Variants in MYOM1 observed in about 807,000 individuals in gnomAD.
MYOM1 encodes myomesin-1.
In MYOM1, 164 loss-of-function variants were observed where a neutral mutation model predicts 205.3. The ratio of observed to expected loss-of-function variants is 0.80; its 90% CI spans 0.70 to 0.91. MYOM1 has a LOEUF of 0.91. Among genes scored for constraint, MYOM1 ranks in the 40% least tolerant of loss-of-function variants. The pLI, the probability that MYOM1 is intolerant of heterozygous loss-of-function variation, is 0.00. For synonymous variants in MYOM1, 772 were observed against 789.4 expected, an observed-to-expected ratio of 0.98 and a Z score of 0.37; for missense variants, 2,011 against 2,127.3, an observed-to-expected ratio of 0.95 and a Z score of 1.08.
Position 3,188,815 on chromosome 18 carries a change from G to T in MYOM1, c.704C>A (p.Thr235Asn), listed in dbSNP as rs1209948211. Residue 235 changes from threonine to asparagine, a missense_variant, in exon 4 of 38, where the codon ACT becomes AAT. Thr to Asn is a moderately conservative substitution (Grantham distance 65, BLOSUM62 0). Coordinates refer to ENST00000356443, the MANE Select transcript of MYOM1 (RefSeq NM_003803.4). ...AACTTTCCTTGACTTCTTTTCAGAA[G>T]TTTCTTCCTGTTGAAGAGCGGATGT... ...QATSALQQEE[T>N]SEKKSRKVVI... 1.9e-6 allele frequency: 3 copies of T among 1,610,104 alleles called. No individual in the cohort carries two copies. The African/African-American group carries it at 4.0e-5, about 22-fold the overall frequency.
At position 3,131,408 on chromosome 18, in the gene MYOM1, C is replaced by T. The variant is rs760699239; in HGVS notation, c.2473G>A (p.Asp825Asn). ...NAAGLSEYSQ[D>N]SEAIEVKAAI... ...GCTTTGACTTCAATAGCTTCTGAATCCTGGGAATATTCACTAAGTCCAGCT... is the reference window on the plus strand; with the variant it reads ...GCTTTGACTTCAATAGCTTCTGAATTCTGGGAATATTCACTAAGTCCAGCT... The change falls in exon 17 of 38, where the codon GAT becomes AAT. Residue 825 changes from aspartate to asparagine, a missense_variant. Coordinates refer to ENST00000356443, the MANE Select transcript of MYOM1 (RefSeq NM_003803.4). 3.1e-6 allele frequency: 5 copies of T among 1,613,856 alleles called. No homozygotes were observed. Among genetic ancestry groups the T allele is most frequent in the South Asian group, 1.1e-5 (1 of 91,070 alleles).
intron 10 of MYOM1, among the ~76,000 whole-genome samples, chr18:3,159,768 T>C (rs1039338333): frequency 6.6e-6 from 1 of 152,050 alleles, no homozygotes; most frequent in Non-Finnish European, 1.5e-5. Context: ...GAAAGACAAA[T>C]CTACAGAGAT....
chr18:3,225,790 C>T, the MYOM1 span, among the ~76,000 whole-genome samples: 1 of 152,206 alleles, frequency 6.6e-6, no homozygotes, highest in African/African-American at 2.4e-5. Flanking sequence ...CCCTTCTTCC[C>T]CCTCTCTGGT....
chr18:3,188,592 G>A (rs183788912), intron 4 of MYOM1, among the ~76,000 whole-genome samples, 156 bp downstream of exon 4: 10 of 151,546 alleles, frequency 6.6e-5, no homozygotes, highest in Admixed American at 4.6e-4. Flanking sequence ...CTGCGCCACT[G>A]CACTCCAACC....
At chr18:3,198,756 C>T (rs1372963086) in intron 2 of MYOM1, among the ~76,000 whole-genome samples, 1 of 150,884 alleles carries the variant, frequency 6.6e-6, no homozygotes, top group Non-Finnish European at 1.5e-5. Context: ...GCCCTCCAGC[C>T]TGGGTGACAG....
Position 3,189,828 on chromosome 18 carries a change from T to C in MYOM1, c.432-741A>G, listed in dbSNP as rs1011721746. On this transcript the variant is annotated intron_variant, in intron 3 of 37. Coordinates refer to ENST00000356443, the MANE Select transcript of MYOM1 (RefSeq NM_003803.4). The surrounding 1 kb of genome is among the most constrained non-coding windows in gnomAD (Gnocchi z 4.8). ...AAAAGCTATATTGTCAAATGAGATC[T>C]AGTTTGTGTGCCTGTGACCCTGATA... Among the ~76,000 whole-genome samples, 1 of 152,218 alleles carries C rather than the reference T, an allele frequency of 6.6e-6. No individual in the cohort carries two copies. Among genetic ancestry groups the C allele is most frequent in the South Asian group, 2.1e-4 (1 of 4,824 alleles).
At chr18:3,093,814 C>T (rs2079260547) in intron 26 of MYOM1, among the ~76,000 whole-genome samples, 1 of 152,090 alleles carries the variant, frequency 6.6e-6, no homozygotes, top group Non-Finnish European at 1.5e-5. Context: ...GAATCAAGTC[C>T]GTGCTGGGGT....
intron 36 of MYOM1, among the ~76,000 whole-genome samples, chr18:3,073,050 C>T (rs986609934): frequency 1.1e-4 from 17 of 149,116 alleles, no homozygotes; most frequent in Non-Finnish European, 1.9e-4. Context: ...TGGGCTCCAG[C>T]CATCATCCTG....
intron 1 of MYOM1, among the ~76,000 whole-genome samples, chr18:3,218,472 AC>A (rs1279119297): frequency 6.6e-6 from 1 of 152,228 alleles, no homozygotes; most frequent in Non-Finnish European, 1.5e-5. Flanking sequence ...ATATCAGTCT[AC>A]AGGGCATTTC....
chr18:3,136,146 G>A (rs1308415993), intron 14 of MYOM1, among the ~76,000 whole-genome samples: 5 of 152,112 alleles, frequency 3.3e-5, no homozygotes, highest in Admixed American at 6.5e-5. Flanking sequence ...CACCGTGTAA[G>A]ACGTGCCTTT....
At chr18:3,200,386 T>C (rs551478527) in intron 2 of MYOM1, among the ~76,000 whole-genome samples, 1 of 152,280 alleles carries the variant, frequency 6.6e-6, no homozygotes, top group South Asian at 2.1e-4. Flanking sequence ...GCAAAAATTG[T>C]CTCTGGGTTG....
intron 1 of MYOM1, among the ~76,000 whole-genome samples, chr18:3,216,034 G>T (rs762909911): frequency 6.6e-6 from 1 of 152,134 alleles, no homozygotes; most frequent in Admixed American, 6.5e-5. Flanking sequence ...TTGGGAGGCC[G>T]AGGCAGGCGG....
At chr18:3,083,431 T>TTC (rs1405869855) in intron 33 of MYOM1, among the ~76,000 whole-genome samples, 26 of 121,274 alleles carry the variant, frequency 2.1e-4, no homozygotes, top group Non-Finnish European at 4.0e-4. Context: ...CTTTTTCTTT[T>TTC]TTTTTTTTTT....
At chr18:3,173,417 A>G (rs1029534011) in intron 8 of MYOM1, among the ~76,000 whole-genome samples, 2 of 152,166 alleles carry the variant, frequency 1.3e-5, no homozygotes, top group African/African-American at 4.8e-5. Flanking sequence ...AGCCTCACTG[A>G]CGCTCCGATG....
intron 23 of MYOM1, 36 bp from the exon 24 acceptor site, chr18:3,100,462 G>T: frequency 6.7e-7 from 1 of 1,499,560 alleles, no homozygotes; most frequent in Non-Finnish European, 9.2e-7. Flanking sequence ...AAATGAGGCT[G>T]TGTGGGATCT....
intron 10 of MYOM1, among the ~76,000 whole-genome samples, chr18:3,162,460 C>T (rs1351428669): frequency 1.3e-5 from 2 of 152,192 alleles, no homozygotes; most frequent in Non-Finnish European, 2.9e-5. Flanking sequence ...TTGGTCTAGG[C>T]ACTCCTTTGC....
rs34464336 is a variant in MYOM1, at chr18:3,174,486, C to CAA, written c.1023-280_1023-279dup. On this transcript the variant is annotated intron_variant, in intron 6 of 37. Coordinates refer to ENST00000356443, the MANE Select transcript of MYOM1 (RefSeq NM_003803.4). ...CCTAGCCTGGGTTCATTTAAAATGT[C>CAA]AAAAAAAAAAGTCAACCAAGTGCTA... 0.014 allele frequency among the ~76,000 whole-genome samples: 2,018 copies of CAA among 149,318 alleles called. 22 individuals carry two copies. The highest frequency in any genetic ancestry group is 0.023 in the Non-Finnish European group (1,539 of 67,102).
intron 5 of MYOM1, among the ~76,000 whole-genome samples, chr18:3,182,513 T>C (rs2144121488): frequency 6.6e-6 from 1 of 152,324 alleles, no homozygotes; most frequent in South Asian, 2.1e-4. Flanking sequence ...TTTCACATAA[T>C]GTTTAAAATC....
At position 3,112,424 on chromosome 18, in the gene MYOM1, A is replaced by C; in HGVS notation, c.3304-12T>G. On this transcript the variant is annotated splice_polypyrimidine_tract_variant and intron_variant, in intron 21 of 37. Coordinates refer to ENST00000356443, the MANE Select transcript of MYOM1 (RefSeq NM_003803.4). ...TTGAGGCCTCGAACCTGGTAGAAGC[A>C]GGTGTAGAAGCAATGGGTGTTTGAT... 1 of 1,579,190 alleles carries C rather than the reference A, an allele frequency of 6.3e-7. No homozygotes were observed. Among genetic ancestry groups the C allele is most frequent in the Non-Finnish European group, 8.6e-7 (1 of 1,158,748 alleles).
Sources: allele counts gnomAD v4.1 joint callset (sites outside exome capture counted in the v4.1 genomes callset), GRCh38; gene constraint gnomAD v4.1.1; non-coding constraint Gnocchi (gnomAD v3.1); transcripts MANE v1.5; gene names NCBI Gene and HGNC (gene_info 2026-07-23, HGNC 2026-07-21).